MICU3: variants seen among roughly 807,000 people sequenced by gnomAD.
MICU3 encodes the protein calcium uptake protein 3, mitochondrial.
In MICU3, 62 loss-of-function variants were observed where a neutral mutation model predicts 66.5. The observed-to-expected ratio is 0.93, with a 90% CI of 0.76 to 1.15. MICU3 has a LOEUF of 1.15. Among genes scored for constraint, MICU3 ranks in the 50% most tolerant of loss-of-function variants. MICU3 has a pLI of 0.00. For missense variants in MICU3, 779 were observed against 664.4 expected (o/e 1.17, Z -1.90); for synonymous variants, 308 against 240.7 (o/e 1.28, Z -2.59).
intron 1 of MICU3, among the ~76,000 whole-genome samples, chr8:17,061,556 T>G (rs2150617126): frequency 6.6e-6 from 1 of 152,098 alleles, no homozygotes; most frequent in East Asian, 1.9e-4. Context: ...AGGCAGAAAC[T>G]TGGGGTGCAG....
chr8:17,087,421 T>C (rs2150746682), intron 7 of MICU3, among the ~76,000 whole-genome samples: 1 of 152,134 alleles, frequency 6.6e-6, no homozygotes, highest in Non-Finnish European at 1.5e-5. Context: ...TCGAAACGAA[T>C]AGAAGGAGAT....
chr8:17,088,154 C>T (rs944241618), intron 7 of MICU3, among the ~76,000 whole-genome samples: 10 of 151,952 alleles, frequency 6.6e-5, no homozygotes, highest in Admixed American at 6.6e-4. Flanking sequence ...TTATATAGCA[C>T]ATACTGCTTT....
the MICU3 span, among the ~76,000 whole-genome samples, chr8:17,127,681 A>G: frequency 7.9e-5 from 12 of 152,314 alleles, no homozygotes; most frequent in East Asian, 1.9e-3. Flanking sequence ...AGTAATTCAG[A>G]TAGAGATATT....
At chr8:17,066,517 C>CTA (rs71212675) in intron 2 of MICU3, among the ~76,000 whole-genome samples, 17,738 of 104,962 alleles carry the variant, frequency 0.17, 1,703 homozygotes, top group Admixed American at 0.23. Flanking sequence ...TGTTAATAAT[C>CTA]TATATATATA....
chr8:17,031,297 T>TATC (rs1812020860), intron 1 of MICU3, among the ~76,000 whole-genome samples: 1 of 148,810 alleles, frequency 6.7e-6, no homozygotes, highest in Non-Finnish European at 1.5e-5. Flanking sequence ...TTATTATTAT[T>TATC]ATTATTTTGA....
intron 1 of MICU3, among the ~76,000 whole-genome samples, chr8:17,033,801 G>A (rs1812494067): frequency 6.6e-6 from 1 of 152,156 alleles, no homozygotes; most frequent in Admixed American, 6.5e-5. Context: ...TTGGAAGTTA[G>A]CAGAGAATGG....
chr8:17,131,977 G>C, the MICU3 span: 1 of 152,086 alleles, frequency 6.6e-6, no homozygotes, highest in Non-Finnish European at 1.5e-5. Context: ...ACGCACACTT[G>C]AATGCCATAC....
At chr8:17,113,668 A>C (rs1010559922) in intron 11 of MICU3, among the ~76,000 whole-genome samples, 1 of 152,226 alleles carries the variant, frequency 6.6e-6, no homozygotes, top group Non-Finnish European at 1.5e-5. Flanking sequence ...ATGATGCTGA[A>C]TTCCATTTGA....
intron 8 of MICU3, among the ~76,000 whole-genome samples, chr8:17,093,291 T>C (rs1283395049): frequency 6.6e-6 from 1 of 151,988 alleles, no homozygotes; most frequent in Non-Finnish European, 1.5e-5. Flanking sequence ...TATTAGAGGA[T>C]TTTTTTAGAA....
chr8:17,124,029 G>T (rs1383918585), downstream of MICU3, among the ~76,000 whole-genome samples: 1 of 146,966 alleles, frequency 6.8e-6, no homozygotes, highest in African/African-American at 2.5e-5. Flanking sequence ...AGTTTCTTTT[G>T]GTATCTACCT....
rs201985725 is a variant in MICU3 at position 17,118,717 on chromosome 8, C to T, written c.1535C>T (p.Thr512Ile). 1.6e-5 allele frequency: 25 copies of T among 1,609,252 alleles called. No homozygotes were observed. The highest frequency in any genetic ancestry group is 2.0e-5 in the Non-Finnish European group (24 of 1,176,088). Residue 512 changes from threonine (T) to isoleucine (I), a missense_variant, in exon 14 of 15, where the codon ACA becomes ATA. Transcript: ENST00000318063. ...TCTTCTGTTTTACAGGGTTATAAAA[C>T]AGTCCAGAAGTACCCCACTTTCAAA... ...RLHRGFRGYK[T>I]VQKYPTFKSC... is the part of the protein sequence containing the mutation.
intron 11 of MICU3, among the ~76,000 whole-genome samples, chr8:17,107,742 C>A (rs1801861159): frequency 6.6e-6 from 1 of 152,142 alleles, no homozygotes; most frequent in African/African-American, 2.4e-5. Context: ...TGGCCCTTTA[C>A]AGAAAAAGTT....
At chr8:17,113,024 C>A (rs2150829929) in intron 11 of MICU3, among the ~76,000 whole-genome samples, 2 of 152,278 alleles carry the variant, frequency 1.3e-5, no homozygotes, top group African/African-American at 2.4e-5. Flanking sequence ...GGAAAGTAAA[C>A]AATGTGAGGA....
downstream of MICU3, among the ~76,000 whole-genome samples, chr8:17,126,869 G>A (rs1029155955): frequency 2.6e-5 from 4 of 152,052 alleles, no homozygotes; most frequent in Non-Finnish European, 4.4e-5. Flanking sequence ...AACATCAGGG[G>A]GAATCAGTTA....
intron 1 of MICU3, among the ~76,000 whole-genome samples, chr8:17,063,722 T>G (rs1042887231): frequency 1.3e-5 from 2 of 152,112 alleles, no homozygotes; most frequent in African/African-American, 4.8e-5. Flanking sequence ...CCTATAAGAG[T>G]ACATAGTAGG....
At chr8:17,043,783 T>C (rs1814613261) in intron 1 of MICU3, among the ~76,000 whole-genome samples, 1 of 152,210 alleles carries the variant, frequency 6.6e-6, no homozygotes, top group African/African-American at 2.4e-5. Flanking sequence ...AGTAAGAGTT[T>C]TGATTCAAGT....
rs960123588 is a variant in MICU3, at chr8:17,038,733, C to G, written c.381+11073C>G. On this transcript the variant is annotated intron_variant, in intron 1 of 14. Transcript: ENST00000318063. ...CTTTGGGAGGCCAAGGCAGGCAGAT[C>G]ATGAGGTCAGGAGATTGATACCATC... 2.0e-5 allele frequency among the ~76,000 whole-genome samples: 3 copies of G among 152,176 alleles called. No individual in the cohort carries two copies. In the East Asian group the frequency reaches 5.8e-4, roughly 29 times the overall value.
intron 1 of MICU3, among the ~76,000 whole-genome samples, chr8:17,039,792 T>C (rs913171918): frequency 6.6e-6 from 1 of 151,152 alleles, no homozygotes; most frequent in African/African-American, 2.4e-5. Flanking sequence ...ATTAACCCTA[T>C]AAAATAATTT....
chr8:17,028,807 C>T (rs369568657), intron 1 of MICU3, among the ~76,000 whole-genome samples: 7 of 152,222 alleles, frequency 4.6e-5, no homozygotes, highest in African/African-American at 1.7e-4. Context: ...TTCACAAATA[C>T]ACATCCACTT....
Sources: allele counts gnomAD v4.1 joint callset (sites outside exome capture counted in the v4.1 genomes callset), GRCh38; gene constraint gnomAD v4.1.1; transcripts MANE v1.5; gene names NCBI Gene and HGNC (gene_info 2026-07-23, HGNC 2026-07-21).